CLTCL1: variants seen among roughly 807,000 people sequenced by gnomAD.
The protein encoded by CLTCL1 is clathrin heavy chain like 1, also known as clathrin heavy chain 2.
In CLTCL1, 159 loss-of-function variants were observed where a neutral mutation model predicts 190.0. The observed-to-expected ratio is 0.84, with a 90% CI of 0.74 to 0.95. The LOEUF (loss-of-function observed/expected upper bound fraction) is 0.95. Ranked by LOEUF, CLTCL1 falls within the 40% of genes least tolerant of loss-of-function variation. The probability of loss-of-function intolerance (pLI) is 0.00; values close to 1 mark genes in which losing one functional copy is unlikely to be tolerated. For missense variants in CLTCL1, 1,878 were observed against 2,033.4 expected (o/e 0.92, Z 1.47); for synonymous variants, 752 against 769.6 (o/e 0.98, Z 0.38).
At chr22:19,256,482 G>A (rs537151851) in intron 2 of CLTCL1, among the ~76,000 whole-genome samples, 79 of 145,672 alleles carry the variant, frequency 5.4e-4, no homozygotes, top group African/African-American at 2.0e-3. Context: ...TCAGCCCCCC[G>A]AGTATCAGGG....
chr22:19,257,700 TCCAGGGCCCTGGCCACTGGGATGG>T (rs2086806918), intron 2 of CLTCL1: 1 of 879,296 alleles, frequency 1.1e-6, no homozygotes, highest in Non-Finnish European at 1.6e-6. Context: ...TGGCTTGGGG[TCCAGGGCCCTGGCCACTGGGATGG>T]CCAGGGGTCT....
intron 21 of CLTCL1, 141 bp from the exon 22 acceptor site, chr22:19,208,452 A>G: frequency 1.0e-6 from 1 of 991,100 alleles, no homozygotes; most frequent in East Asian, 2.4e-5. Flanking sequence ...GATAACGTCT[A>G]GGAGGTCTTG....
intron 15 of CLTCL1, 43 bp from the exon 16 acceptor site, chr22:19,222,136 A>C: frequency 6.2e-7 from 1 of 1,607,348 alleles, no homozygotes; most frequent in Non-Finnish European, 8.5e-7. Flanking sequence ...TGCAAACACA[A>C]GTTATTGTTA....
At chr22:19,184,086 G>C (rs1348442420) in intron 29 of CLTCL1, 1 of 255,338 alleles carries the variant, frequency 3.9e-6, no homozygotes, top group Admixed American at 5.0e-5. Flanking sequence ...CCTTGCAAAT[G>C]TATTTGTCTA....
At chr22:19,184,115 A>G (rs2084233374) in intron 29 of CLTCL1, 2 of 248,356 alleles carry the variant, frequency 8.1e-6, no homozygotes, top group Non-Finnish European at 1.6e-5. Flanking sequence ...TCATTGACAA[A>G]ATAACACCTG....
Position 19,239,322 on chromosome 22 carries a change from C to T in CLTCL1, c.748G>A (p.Val250Met), listed in dbSNP as rs1283263640. 2.5e-6 allele frequency: 4 copies of T among 1,614,038 alleles called. No homozygotes were observed. Among genetic ancestry groups the T allele is most frequent in the South Asian group, 1.1e-5 (1 of 91,082 alleles). ...TTCTGTGCCTCTGGAGGAAAAAACA[C>T]ATCTACTGCTTTCTTTACAAAAGGT... ...NQPFVKKAVD[V>M]FFPPEAQNDF... The change falls in exon 5 of 33, where the codon GTG becomes ATG. Residue 250 changes from valine (V) to methionine (M), a missense_variant. Coordinates refer to ENST00000427926, the MANE Select transcript of CLTCL1 (RefSeq NM_007098.4).
intron 11 of CLTCL1, 102 bp from the exon 12 acceptor site, chr22:19,226,485 A>G: frequency 7.7e-7 from 1 of 1,294,838 alleles, no homozygotes; most frequent in Non-Finnish European, 1.1e-6. Context: ...CCTGGCAACC[A>G]GAACTCACAG....
intron 4 of CLTCL1, among the ~76,000 whole-genome samples, chr22:19,242,212 G>C (rs1003467410): frequency 1.3e-5 from 2 of 151,984 alleles, no homozygotes. Context: ...CAAACTGCTA[G>C]GATTACAGGT....
intron 29 of CLTCL1, among the ~76,000 whole-genome samples, chr22:19,186,598 T>A (rs1245652397): frequency 9.6e-6 from 1 of 104,380 alleles, no homozygotes; most frequent in African/African-American, 3.5e-5. Context: ...ATTTATTTAT[T>A]TTTTTCCTTT....
intron 1 of CLTCL1, among the ~76,000 whole-genome samples, chr22:19,291,366 C>T (rs2088114372): frequency 6.6e-6 from 1 of 152,152 alleles, no homozygotes; most frequent in African/African-American, 2.4e-5. Context: ...TCCACCCCCA[C>T]CATTCCCCAG....
At chr22:19,210,114 C>T (rs2085171710) in intron 20 of CLTCL1, among the ~76,000 whole-genome samples, 1 of 152,078 alleles carries the variant, frequency 6.6e-6, no homozygotes, top group South Asian at 2.1e-4. Flanking sequence ...GGCAGACTAA[C>T]AGCCAATGGA....
At chr22:19,192,840 G>T (rs1172401915) in intron 26 of CLTCL1, among the ~76,000 whole-genome samples, 1 of 152,222 alleles carries the variant, frequency 6.6e-6, no homozygotes, top group Non-Finnish European at 1.5e-5. Flanking sequence ...TATGGCACTG[G>T]TGGGCCCCCA....
At chr22:19,243,267 G>T (rs1428109368) in intron 3 of CLTCL1, among the ~76,000 whole-genome samples, 2 of 152,130 alleles carry the variant, frequency 1.3e-5, no homozygotes, top group African/African-American at 4.8e-5. Context: ...GTTAAATCGG[G>T]GGATGCAATC....
At chr22:19,287,113 A>T (rs1172019253) in intron 1 of CLTCL1, among the ~76,000 whole-genome samples, 1 of 152,200 alleles carries the variant, frequency 6.6e-6, no homozygotes, top group Non-Finnish European at 1.5e-5. Context: ...CCTCTTCTGA[A>T]TCAAGATGTC....
chr22:19,277,199 T>A (rs1218656105), intron 1 of CLTCL1, among the ~76,000 whole-genome samples: 1 of 152,080 alleles, frequency 6.6e-6, no homozygotes, highest in African/African-American at 2.4e-5. Context: ...TGTAGCAGAG[T>A]CTAGCACATA....
chr22:19,195,329 G>A (rs2084660927), intron 26 of CLTCL1, among the ~76,000 whole-genome samples: 1 of 152,156 alleles, frequency 6.6e-6, no homozygotes, highest in Non-Finnish European at 1.5e-5. Context: ...CCAGTAACAT[G>A]GATGTCCTCC....
intron 1 of CLTCL1, among the ~76,000 whole-genome samples, chr22:19,276,294 A>G (rs536468748): frequency 1.9e-4 from 29 of 152,340 alleles, no homozygotes; most frequent in African/African-American, 7.0e-4. Context: ...GAACTGGCCA[A>G]AAGTTTTTGC....
chr22:19,247,522 C>T (rs574390772), intron 3 of CLTCL1, among the ~76,000 whole-genome samples: 1 of 152,106 alleles, frequency 6.6e-6, no homozygotes, highest in South Asian at 2.1e-4. Context: ...GCATAATTCC[C>T]AAGAGTTTTT....
intron 1 of CLTCL1, among the ~76,000 whole-genome samples, chr22:19,280,886 A>G (rs1555986217): frequency 1.3e-5 from 2 of 151,546 alleles, no homozygotes; most frequent in African/African-American, 4.8e-5. Flanking sequence ...ATTTATATCC[A>G]GTATGTAGAA....
Sources: allele counts gnomAD v4.1 joint callset (sites outside exome capture counted in the v4.1 genomes callset), GRCh38; gene constraint gnomAD v4.1.1; transcripts MANE v1.5; gene names NCBI Gene and HGNC (gene_info 2026-07-23, HGNC 2026-07-21).